Variants in PDLIM7 observed in about 807,000 individuals in gnomAD.
PDLIM7 encodes PDZ and LIM domain 7.
In PDLIM7, 37 loss-of-function variants were observed where a neutral mutation model predicts 53.9. The ratio of observed to expected loss-of-function variants is 0.69; its 90% CI spans 0.53 to 0.90. The LOEUF (loss-of-function observed/expected upper bound fraction) is 0.90. Among genes scored for constraint, PDLIM7 ranks in the 40% least tolerant of loss-of-function variants. PDLIM7 has a pLI of 0.00. For synonymous variants in PDLIM7, 300 were observed against 261.3 expected (o/e 1.15, Z -1.43); for missense variants, 617 against 638.5 (o/e 0.97, Z 0.36).
rs573145644 is a variant in PDLIM7 at position 177,486,605 on chromosome 5, G to A, written c.1050+1463C>T. Among the ~76,000 whole-genome samples the A allele has an allele frequency of 1.1e-3, 160 of 151,382 alleles. No individual in the cohort carries two copies. The Middle Eastern group carries it at 0.014, about 13-fold the overall frequency. ...GCTCTACCAGGGGTGTGGGCTGGTA[G>A]GGCAGGAGCCCAAGGCTGGGAGGCA... On this transcript the variant is annotated intron_variant, in intron 10 of 12. Transcript: ENST00000355841.
intron 9 of PDLIM7, 101 bp from the exon 10 acceptor site, chr5:177,488,349 G>T: frequency 1.1e-6 from 1 of 924,416 alleles, no homozygotes; most frequent in South Asian, 1.7e-5. Flanking sequence ...CCTTGGGAGG[G>T]ACAGTTCATT....
At position 177,483,396 on chromosome 5, in the gene PDLIM7, C is replaced by T; in HGVS notation, c.*248G>A. ...GCACAGGGGAAGGGCACACAAGACA[C>T]AGCTGGGTACAGGTTTATTGTGGCA... On this transcript the variant is annotated 3_prime_UTR_variant, in exon 13 of 13. Coordinates refer to ENST00000355841, the MANE Select transcript of PDLIM7 (RefSeq NM_005451.5). 2.2e-6 allele frequency: 1 copy of T among 450,442 alleles called. No individual in the cohort carries two copies. Among genetic ancestry groups the T allele is most frequent in the South Asian group, 4.5e-5 (1 of 22,240 alleles). 27.9% of individuals were successfully genotyped at this position (450,442 alleles called of 1,614,324 possible). A position where few individuals can be genotyped will look rare whatever the true frequency, so the allele number is the denominator to read the frequency against.
In PDLIM7 at chr5:177,489,609, G is replaced by C; in HGVS notation, c.653C>G (p.Pro218Arg). 2 of 1,601,522 alleles carry C rather than the reference G, an allele frequency of 1.2e-6. No homozygotes were observed. Residue 218 changes from proline (P) to arginine (R), a missense_variant, in exon 9 of 13, where the codon CCT becomes CGT. Pro to Arg is a moderately radical substitution (Grantham distance 103). Coordinates refer to ENST00000355841, the MANE Select transcript of PDLIM7 (RefSeq NM_005451.5). ...EPWPGPTAPS[P>R]TSRPPWAVDP... is the part of the protein sequence containing the mutation. The stretch of plus-strand genomic sequence containing the variant: ...CACAGCCCAGGGCGGGCGGCTGGTA[G>C]GGCTGGGGGCGGTAGGGCCTGCCGG...
intron 10 of PDLIM7, among the ~76,000 whole-genome samples, chr5:177,485,711 G>A (rs1758405121): frequency 6.6e-6 from 1 of 152,222 alleles, no homozygotes; most frequent in Admixed American, 6.5e-5. Context: ...TCTGCTGGGC[G>A]CAGTGGCTCA....
At chr5:177,490,014 C>A (rs542964360) in intron 7 of PDLIM7, 182 bp from the exon 8 acceptor site, 1 of 1,533,978 alleles carries the variant, frequency 6.5e-7, no homozygotes, top group Non-Finnish European at 8.7e-7. Flanking sequence ...GTCCAGTTAG[C>A]TGGTGTGCGG....
intron 3 of PDLIM7, 25 bp from the exon 4 acceptor site, chr5:177,492,460 G>T: frequency 1.9e-6 from 3 of 1,613,594 alleles, no homozygotes; most frequent in Non-Finnish European, 2.5e-6. Context: ...AAGCGTGACA[G>T]CGGGCCGGGC....
intron 5 of PDLIM7, 37 bp from the exon 6 acceptor site, chr5:177,491,183 G>A (rs753039910): frequency 6.4e-7 from 1 of 1,569,864 alleles, no homozygotes; most frequent in East Asian, 2.3e-5. Flanking sequence ...CCACACTGGG[G>A]GTGGGCGGTG....
intron 11 of PDLIM7, 43 bp downstream of exon 11, chr5:177,484,027 C>G (rs754583164): frequency 6.2e-7 from 1 of 1,613,270 alleles, no homozygotes; most frequent in Admixed American, 1.7e-5. Context: ...TTCATGCCTG[C>G]CCCATGCACC....
chr5:177,484,492 A>G lies in PDLIM7; in HGVS notation c.1051-302T>C, dbSNP rs1356172387. 5 of 351,498 alleles carry G rather than the reference A, an allele frequency of 1.4e-5. No homozygotes were observed. In the East Asian group the frequency reaches 2.5e-4, roughly 18 times the overall value. 21.8% of individuals were successfully genotyped at this position (351,498 alleles called of 1,614,324 possible). Reference sequence around the variant, plus strand: ...ATTCTCCTGTCTGCTGCAGCCAAACACACCCTCCTCTCACACCCCACACCA... The same window carrying G: ...ATTCTCCTGTCTGCTGCAGCCAAACGCACCCTCCTCTCACACCCCACACCA... On this transcript the variant is annotated intron_variant, in intron 10 of 12. Transcript: ENST00000355841.
Position 177,492,684 on chromosome 5 carries a change from A to T in PDLIM7, c.97-7T>A, listed in dbSNP as rs548573135. ...CTTTGCCCCCAGGAGTGAGCTGTGG[A>T]GAGAGAAGCAAAGTGACCGAGGCCC... On this transcript the variant is annotated splice_region_variant and splice_polypyrimidine_tract_variant and intron_variant, in intron 2 of 12. Coordinates refer to ENST00000355841, the MANE Select transcript of PDLIM7 (RefSeq NM_005451.5). The T allele has an allele frequency of 2.5e-6, 4 of 1,599,676 alleles. No individual in the cohort carries two copies. In the African/African-American group the frequency reaches 4.0e-5, roughly 16 times the overall value.
rs377755307 is a variant in PDLIM7, at chr5:177,492,851, C to T, written c.97-174G>A. 2.6e-4 allele frequency: 166 copies of T among 632,648 alleles called. 1 individual carries two copies. In the African/African-American group the frequency reaches 2.7e-3, roughly 10 times the overall value. The allele number at this position is 632,648 out of a possible 1,614,324, so 39.2% of individuals were successfully genotyped here. A position where few individuals can be genotyped will look rare whatever the true frequency, so the allele number is the denominator to read the frequency against. On this transcript the variant is annotated intron_variant, in intron 2 of 12. Coordinates refer to ENST00000355841, the MANE Select transcript of PDLIM7 (RefSeq NM_005451.5). ...ACTAAAGCAACCCAGGAGGTGGTGG[C>T]GCTCACCTGAGCTTCACAATTTCCC... is the stretch of plus-strand genomic sequence containing the variant.
At chr5:177,492,699 G>A in intron 2 of PDLIM7, 22 bp from the exon 3 acceptor site, 3 of 1,595,380 alleles carry the variant, frequency 1.9e-6, no homozygotes, top group Non-Finnish European at 2.6e-6. Context: ...GAAGCAAAGT[G>A]ACCGAGGCCC....
chr5:177,489,457 C>T lies in PDLIM7; in HGVS notation c.805G>A (p.Val269Met), dbSNP rs1457885287. 6.2e-7 allele frequency: 1 copy of T among 1,604,736 alleles called. No individual in the cohort carries two copies. The highest frequency in any genetic ancestry group is 2.2e-5 in the East Asian group (1 of 44,614). The part of the protein sequence containing the change: ...TSIVQAAAGG[V>M]PGGGSNNGKT... ...CCGTTGTTGCTGCCCCCTCCTGGCA[C>T]CCCTCCGGCAGCTGCCTGCACAATG... The change falls in exon 9 of 13, where the codon GTG becomes ATG. Residue 269 changes from valine (V) to methionine (M), a missense_variant. By Grantham distance (21) the Val-to-Met change is conservative. Transcript: ENST00000355841.
rs542353109 is a variant in PDLIM7 at position 177,487,541 on chromosome 5, C to T, written c.1050+527G>A. Among the ~76,000 whole-genome samples the T allele has an allele frequency of 5.9e-5, 9 of 152,348 alleles. No homozygotes were observed. In the South Asian group the frequency reaches 1.9e-3, roughly 32 times the overall value. On this transcript the variant is annotated intron_variant, in intron 10 of 12. Transcript: ENST00000355841. ...TGCTGCCAACAGTCAAGCAACAAGG[C>T]GGAGCCTGGGTCCACCAGATCAGTC...
At chr5:177,496,274 A>C in intron 2 of PDLIM7, 143 bp downstream of exon 2, 1 of 559,198 alleles carries the variant, frequency 1.8e-6, no homozygotes, top group Non-Finnish European at 3.1e-6. Context: ...TGTGGCAGGC[A>C]GGTACCACTA....
chr5:177,492,469 G>A, intron 3 of PDLIM7, 34 bp from the exon 4 acceptor site: 1 of 1,613,650 alleles, frequency 6.2e-7, no homozygotes, highest in Non-Finnish European at 8.5e-7. Context: ...AGCGGGCCGG[G>A]CCCGCAGGGA....
At chr5:177,487,854 T>C (rs1289277244) in intron 10 of PDLIM7, 1 of 432,910 alleles carries the variant, frequency 2.3e-6, no homozygotes, top group Non-Finnish European at 4.0e-6. Flanking sequence ...CCTCCTGCTC[T>C]TTGCAGCCTT....
At chr5:177,491,395 C>T (rs1397393728) in intron 5 of PDLIM7, 5 of 1,552,002 alleles carry the variant, frequency 3.2e-6, no homozygotes, top group East Asian at 4.9e-5. Context: ...CAGAGGGGGG[C>T]TCACTGACTT....
In PDLIM7 at chr5:177,490,865, T is replaced by C. The variant is rs780529244; in HGVS notation, c.572+5A>G. ...TGGGAGAGGGGCTGGTGCCCGTCCC[T>C]GTACCTTGATTTCTTCAGGTGCTCC... On this transcript the variant is annotated splice_donor_5th_base_variant and intron_variant, in intron 7 of 12. Coordinates refer to ENST00000355841, the MANE Select transcript of PDLIM7 (RefSeq NM_005451.5). 2 of 1,613,858 alleles carry C rather than the reference T, an allele frequency of 1.2e-6. No homozygotes were observed. Among genetic ancestry groups the C allele is most frequent in the Admixed American group, 1.7e-5 (1 of 60,000 alleles).
Sources: allele counts gnomAD v4.1 joint callset (sites outside exome capture counted in the v4.1 genomes callset), GRCh38; gene constraint gnomAD v4.1.1; transcripts MANE v1.5; gene names NCBI Gene and HGNC (gene_info 2026-07-23, HGNC 2026-07-21).